Variants in RNF214 observed in about 807,000 individuals in gnomAD.
RNF214 encodes ring finger protein 214.
RNF214 carries 25 observed loss-of-function variants against 75.9 expected under a neutral mutation model. The ratio of observed to expected loss-of-function variants is 0.33; its 90% CI spans 0.24 to 0.46. The LOEUF (loss-of-function observed/expected upper bound fraction) is 0.46. RNF214 is among the 20% of genes least tolerant of loss of function. RNF214 has a pLI of 1.00. For missense variants in RNF214, 725 were observed against 857.5 expected, an observed-to-expected ratio of 0.85 and a Z score of 1.93; for synonymous variants, 314 against 308.8, an observed-to-expected ratio of 1.02 and a Z score of -0.18.
intron 6 of RNF214, among the ~76,000 whole-genome samples, chr11:117,265,306 T>C (rs1395117168): frequency 6.6e-6 from 1 of 152,226 alleles, no homozygotes; most frequent in East Asian, 1.9e-4. Context: ...AAAAAAAGAC[T>C]ACGTGCCAGT....
In RNF214 at chr11:117,286,401, A is replaced by G. The variant is rs2034262333; in HGVS notation, c.*1250A>G. 6.6e-6 allele frequency: 1 copy of G among 152,164 alleles called. No homozygotes were observed. Among genetic ancestry groups the G allele is most frequent in the South Asian group, 2.1e-4 (1 of 4,836 alleles). The allele number at this position is 152,164 out of a possible 1,614,324, so 9.4% of individuals were successfully genotyped here. Reference sequence around the variant, plus strand: ...TTCCTATCCTTTTATCTTTACTCCTACAGGGAATGGCCTCAGCTCCCTTCT... The same window carrying G: ...TTCCTATCCTTTTATCTTTACTCCTGCAGGGAATGGCCTCAGCTCCCTTCT... On this transcript the variant is annotated 3_prime_UTR_variant, in exon 15 of 15. Coordinates refer to ENST00000300650, the MANE Select transcript of RNF214 (RefSeq NM_207343.4).
chr11:117,279,248 A>C (rs150735679), intron 6 of RNF214, among the ~76,000 whole-genome samples: 1 of 152,112 alleles, frequency 6.6e-6, no homozygotes, highest in African/African-American at 2.4e-5. Context: ...TCTGCCTTCA[A>C]TGGAGGGCTT....
At chr11:117,239,712 T>C in intron 3 of RNF214, 89 bp from the exon 4 acceptor site, 2 of 745,504 alleles carry the variant, frequency 2.7e-6, no homozygotes. Flanking sequence ...AAAAAGTTAG[T>C]TACCTGTGGC....
chr11:117,257,739 T>C (rs945235826), intron 6 of RNF214, among the ~76,000 whole-genome samples: 2 of 152,150 alleles, frequency 1.3e-5, no homozygotes. Context: ...GGAAATAGTT[T>C]AGAATAGTAG....
At chr11:117,246,714 C>A in intron 5 of RNF214, 95 bp from the exon 6 acceptor site, 1 of 1,244,452 alleles carries the variant, frequency 8.0e-7, no homozygotes, top group Non-Finnish European at 1.1e-6. Flanking sequence ...AAAGTCAATA[C>A]GTGAATTTGT....
intron 6 of RNF214, among the ~76,000 whole-genome samples, chr11:117,278,101 G>A (rs1033183365): frequency 1.8e-4 from 27 of 151,942 alleles, no homozygotes; most frequent in African/African-American, 6.5e-4. Context: ...TCAGGAGATC[G>A]AGACCATCCT....
At chr11:117,258,181 G>C (rs1357905159) in intron 6 of RNF214, among the ~76,000 whole-genome samples, 1 of 151,538 alleles carries the variant, frequency 6.6e-6, no homozygotes, top group Admixed American at 6.6e-5. Context: ...CAATTCTCCT[G>C]CCTCAGCCTC....
chr11:117,261,432 T>C (rs1380035103), intron 6 of RNF214, among the ~76,000 whole-genome samples: 1 of 151,892 alleles, frequency 6.6e-6, no homozygotes, highest in African/African-American at 2.4e-5. Flanking sequence ...ATATAAAAAT[T>C]AGCCAGGCAT....
At position 117,286,391 on chromosome 11, in the gene RNF214, C is replaced by G. The variant is rs1302799621; in HGVS notation, c.*1240C>G. 1.3e-5 allele frequency: 2 copies of G among 152,128 alleles called. No homozygotes were observed. The highest frequency in any genetic ancestry group is 4.8e-5 in the African/African-American group (2 of 41,416). 9.4% of individuals were successfully genotyped at this position (152,128 alleles called of 1,614,324 possible). A position where few individuals can be genotyped will look rare whatever the true frequency, so the allele number is the denominator to read the frequency against. On this transcript the variant is annotated 3_prime_UTR_variant, in exon 15 of 15. Coordinates refer to ENST00000300650, the MANE Select transcript of RNF214 (RefSeq NM_207343.4). The stretch of plus-strand genomic sequence containing the variant: ...TTTGAATCTTTTCCTATCCTTTTAT[C>G]TTTACTCCTACAGGGAATGGCCTCA...
chr11:117,269,116 G>A (rs535739787), intron 6 of RNF214, among the ~76,000 whole-genome samples: 16 of 152,234 alleles, frequency 1.1e-4, no homozygotes, highest in African/African-American at 3.9e-4. Flanking sequence ...AAAAGAATGA[G>A]CCCAAATGCT....
At chr11:117,280,130 G>A (rs2034097163) in intron 7 of RNF214, 41 bp from the exon 8 acceptor site, 3 of 1,552,702 alleles carry the variant, frequency 1.9e-6, no homozygotes, top group Non-Finnish European at 2.7e-6. Context: ...CTTTGTGTAT[G>A]TAAAATTAAT....
intron 6 of RNF214, among the ~76,000 whole-genome samples, chr11:117,257,832 A>G (rs538476497): frequency 2.0e-5 from 3 of 152,342 alleles, no homozygotes; most frequent in Admixed American, 1.3e-4. Context: ...GAATAATACT[A>G]ATTGGTAATT....
intron 11 of RNF214, 61 bp downstream of exon 11, chr11:117,282,331 C>G: frequency 6.3e-7 from 1 of 1,590,580 alleles, no homozygotes; most frequent in Admixed American, 1.7e-5. Context: ...TGGGTTAAAA[C>G]AGAGGAGGTT....
At chr11:117,274,970 C>T (rs992465160) in intron 6 of RNF214, among the ~76,000 whole-genome samples, 1 of 152,090 alleles carries the variant, frequency 6.6e-6, no homozygotes. Context: ...TGAGCCACTG[C>T]ACCTGGCCTA....
chr11:117,251,139 C>A, intron 6 of RNF214, among the ~76,000 whole-genome samples: 1 of 151,184 alleles, frequency 6.6e-6, no homozygotes, highest in Non-Finnish European at 1.5e-5. Flanking sequence ...GTACACCTCC[C>A]AGACGGGGTG....
At chr11:117,240,034 C>T (rs896959471) in intron 4 of RNF214, among the ~76,000 whole-genome samples, 174 bp downstream of exon 4, 1 of 150,702 alleles carries the variant, frequency 6.6e-6, no homozygotes, top group Non-Finnish European at 1.5e-5. Context: ...CCTCACAAAG[C>T]AACCAGTTAC....
chr11:117,267,051 A>G (rs945855228), intron 6 of RNF214, among the ~76,000 whole-genome samples: 23 of 150,718 alleles, frequency 1.5e-4, no homozygotes, highest in African/African-American at 5.4e-4. Flanking sequence ...TGTGGTGCCC[A>G]GGCTGATCTC....
intron 5 of RNF214, among the ~76,000 whole-genome samples, chr11:117,246,333 G>C (rs1412088413): frequency 2.6e-5 from 4 of 151,712 alleles, no homozygotes; most frequent in Admixed American, 6.6e-5. Flanking sequence ...GTGTATATGT[G>C]TGTGTGTATA....
rs531417951 is a variant in RNF214 at position 117,239,420 on chromosome 11, C to T, written c.618+309C>T. On this transcript the variant is annotated intron_variant, in intron 3 of 14. Transcript: ENST00000300650. ...AGCATTCATATTTATCATCTTTGAC[C>T]TTGCAGGAAGAATCCTTGTTAATTC... 9.4e-5 allele frequency: 43 copies of T among 459,836 alleles called. 2 individuals carry two copies. The highest frequency in any genetic ancestry group is 7.2e-4 in the African/African-American group (36 of 49,736). 28.5% of individuals were successfully genotyped at this position (459,836 alleles called of 1,614,324 possible).
Sources: gnomAD v4.1 joint callset for allele counts (sites outside exome capture counted in the v4.1 genomes callset) on GRCh38, gnomAD v4.1.1 for gene constraint, MANE v1.5 for transcripts, NCBI Gene and HGNC (gene_info 2026-07-23, HGNC 2026-07-21) for gene names.